The following LRRIQ1 variants were observed in gnomAD, a reference collection of about 807,000 sequenced individuals.
The protein encoded by LRRIQ1 is leucine-rich repeat- and IQ domain-containing protein 1.
In LRRIQ1, 210 loss-of-function variants were observed where a neutral mutation model predicts 211.9. The ratio of observed to expected loss-of-function variants is 0.99; its 90% confidence interval spans 0.89 to 1.11. The LOEUF (loss-of-function observed/expected upper bound fraction) is 1.11, where lower values mean the gene tolerates loss of function less well. LRRIQ1 is among the 50% of genes most tolerant of loss of function. LRRIQ1 has a pLI of 0.00. For synonymous variants in LRRIQ1, 699 were observed against 650.1 expected, an observed-to-expected ratio of 1.08 and a Z score of -1.14; for missense variants, 2,136 against 1,939.5, an observed-to-expected ratio of 1.10 and a Z score of -1.90.
At chr12:85,138,459 T>G (rs914698423) in intron 19 of LRRIQ1, among the ~76,000 whole-genome samples, 1 of 151,604 alleles carries the variant, frequency 6.6e-6, no homozygotes, top group South Asian at 2.1e-4. Flanking sequence ...TGAATTTGTG[T>G]TTGTTACATA....
intron 11 of LRRIQ1, among the ~76,000 whole-genome samples, chr12:85,077,560 G>A (rs1883797062): frequency 6.6e-6 from 1 of 152,146 alleles, no homozygotes; most frequent in Non-Finnish European, 1.5e-5. Flanking sequence ...AATTTTCTTA[G>A]AGGTGTTAAG....
rs1882297069 is a variant in LRRIQ1 at position 85,065,150 on chromosome 12, A to G, written c.2392-112A>G. On this transcript the variant is annotated intron_variant, in intron 8 of 26. Coordinates refer to ENST00000393217, the MANE Select transcript of LRRIQ1 (RefSeq NM_001079910.2). ...TGTTAATAAATGTAGGCTTCAACAT[A>G]TAGTATTACTTTTCTTAAATGAATT... 7.0e-6 allele frequency: 6 copies of G among 854,038 alleles called. No homozygotes were observed. The South Asian group carries it at 9.6e-5, about 14-fold the overall frequency. The allele number at this position is 854,038 out of a possible 1,614,324, so 52.9% of individuals were successfully genotyped here.
At position 85,153,773 on chromosome 12, in the gene LRRIQ1, T is replaced by G. The variant is rs1346740285; in HGVS notation, c.4637+15T>G. On this transcript the variant is annotated intron_variant, in intron 22 of 26. Transcript: ENST00000393217. ...TCAGAAGAATGGTATGTAGTCAATT[T>G]GACACTAATAAATTAAAAAATTGAG... 1.4e-6 allele frequency: 2 copies of G among 1,438,492 alleles called. No individual in the cohort carries two copies. Among genetic ancestry groups the G allele is most frequent in the South Asian group, 2.6e-5 (2 of 76,440 alleles). 89.1% of individuals were successfully genotyped at this position (1,438,492 alleles called of 1,614,324 possible).
chr12:85,068,987 C>G (rs989068119), intron 10 of LRRIQ1, among the ~76,000 whole-genome samples: 3 of 151,034 alleles, frequency 2.0e-5, no homozygotes, highest in African/African-American at 7.3e-5. Context: ...ATGTGCACAA[C>G]GTGCAGGTTT....
At chr12:85,226,333 G>T (rs905803536) in intron 24 of LRRIQ1, among the ~76,000 whole-genome samples, 12 of 152,082 alleles carry the variant, frequency 7.9e-5, no homozygotes, top group African/African-American at 2.9e-4. Flanking sequence ...CTTGGGCTCA[G>T]TTGATCATCA....
downstream of LRRIQ1, among the ~76,000 whole-genome samples, chr12:85,247,065 CAT>C (rs1895745778): frequency 6.6e-6 from 1 of 151,470 alleles, no homozygotes; most frequent in Admixed American, 6.6e-5. Flanking sequence ...ATCACCTAAA[CAT>C]AGTTATATAA....
At position 85,052,213 on chromosome 12, in the gene LRRIQ1, G is replaced by A; in HGVS notation, c.715G>A (p.Glu239Lys). The A allele has an allele frequency of 6.4e-7, 1 of 1,563,534 alleles. No homozygotes were observed. The highest frequency in any genetic ancestry group is 8.7e-7 in the Non-Finnish European group (1 of 1,146,538). Reference sequence around the variant, plus strand: ...CAAGATGAATGATGAACTCTATAAAGAAGAGAAAATTTGGAAAGAGAAATT... The same window carrying A: ...CAAGATGAATGATGAACTCTATAAAAAAGAGAAAATTTGGAAAGAGAAATT... ...QDKMNDELYKEEKIWKEKFKQ... is the reference protein window; with the variant it reads ...QDKMNDELYKKEKIWKEKFKQ... The change falls in exon 7 of 27, where the codon GAA (glutamate) becomes AAA (lysine). Residue 239 changes from glutamate to lysine, a missense_variant. Transcript: ENST00000393217.
intron 5 of LRRIQ1, 144 bp downstream of exon 5, chr12:85,046,281 T>C (rs1249150494): frequency 4.6e-5 from 25 of 540,722 alleles, no homozygotes; most frequent in Non-Finnish European, 7.6e-5. Flanking sequence ...TTTGCTATAC[T>C]TATTAAATTA....
intron 11 of LRRIQ1, among the ~76,000 whole-genome samples, chr12:85,091,456 C>T (rs1051383390): frequency 1.3e-5 from 2 of 151,882 alleles, no homozygotes; most frequent in African/African-American, 4.8e-5. Context: ...TGTCTGTTTA[C>T]TCTGTTGATA....
At position 85,098,506 on chromosome 12, in the gene LRRIQ1, A is replaced by G. The variant is rs1417999080; in HGVS notation, c.3039A>G (p.Gly1013=). The G allele has an allele frequency of 6.2e-7, 1 of 1,610,632 alleles. No individual in the cohort carries two copies. Among genetic ancestry groups the G allele is most frequent in the Non-Finnish European group, 8.5e-7 (1 of 1,178,584 alleles). The part of the protein sequence containing the change: ...LTDVEGVENC[G]LLQILKLQGN... ...ATGTAGAGGGCGTTGAAAATTGTGG[A>G]TTGCTCCAAATATTGAAGTTACAGG... Residue 1013 remains glycine, a synonymous_variant, in exon 12 of 27, where the codon GGA becomes GGG. Coordinates refer to ENST00000393217, the MANE Select transcript of LRRIQ1 (RefSeq NM_001079910.2).
chr12:85,201,531 G>A lies in LRRIQ1; in HGVS notation c.4823-27986G>A, dbSNP rs189125471. On this transcript the variant is annotated intron_variant, in intron 24 of 26. Coordinates refer to ENST00000393217, the MANE Select transcript of LRRIQ1 (RefSeq NM_001079910.2). ...TCAGTCATGGGTGGCTGAATGTGTCGAGGACTTTATCCATTTCCTGTAGGT... is the reference window on the plus strand; with the variant it reads ...TCAGTCATGGGTGGCTGAATGTGTCAAGGACTTTATCCATTTCCTGTAGGT... 2.0e-4 allele frequency among the ~76,000 whole-genome samples: 30 copies of A among 151,992 alleles called. 1 individual carries two copies. Among genetic ancestry groups the A allele is most frequent in the Admixed American group, 1.5e-3 (23 of 15,254 alleles).
At position 85,226,578 on chromosome 12, in the gene LRRIQ1, C is replaced by T. The variant is rs112460545; in HGVS notation, c.4823-2939C>T. ...TAAGTTCTAGGGTACATGTGCACAA[C>T]GTGCAGGTTTGTTACATATGTATAC... On this transcript the variant is annotated intron_variant, in intron 24 of 26. Transcript: ENST00000393217. Among the ~76,000 whole-genome samples, 119 of 145,896 alleles carry T rather than the reference C, an allele frequency of 8.2e-4. 1 individual carries two copies. Among genetic ancestry groups the T allele is most frequent in the African/African-American group, 2.8e-3 (110 of 39,234 alleles).
intron 6 of LRRIQ1, among the ~76,000 whole-genome samples, chr12:85,048,921 G>T (rs1182945798): frequency 6.6e-6 from 1 of 152,142 alleles, no homozygotes; most frequent in Non-Finnish European, 1.5e-5. Flanking sequence ...AAAATTTGCT[G>T]ACTACCTTAA....
chr12:85,216,503 A>T (rs1894093608), intron 24 of LRRIQ1, among the ~76,000 whole-genome samples: 1 of 150,224 alleles, frequency 6.7e-6, no homozygotes, highest in Admixed American at 6.6e-5. Context: ...TTAATATATA[A>T]TGTATATAAT....
chr12:85,164,721 G>A (rs1484829562), intron 24 of LRRIQ1, among the ~76,000 whole-genome samples: 1 of 152,108 alleles, frequency 6.6e-6, no homozygotes, highest in African/African-American at 2.4e-5. Flanking sequence ...ATTGATAGGT[G>A]ACTTGACCAA....
chr12:85,245,159 C>A (rs544963632), downstream of LRRIQ1: 492 of 635,178 alleles, frequency 7.7e-4, 1 homozygote, highest in Non-Finnish European at 1.1e-3. Flanking sequence ...TCCTGCCCCC[C>A]ACACCCTGTG....
chr12:85,144,437 G>A (rs1889752644), intron 19 of LRRIQ1, among the ~76,000 whole-genome samples: 1 of 151,484 alleles, frequency 6.6e-6, no homozygotes, highest in African/African-American at 2.4e-5. Context: ...AAGATATAGA[G>A]CATAGTGTTT....
chr12:85,090,061 G>A (rs902664836), intron 11 of LRRIQ1, among the ~76,000 whole-genome samples: 7 of 152,236 alleles, frequency 4.6e-5, no homozygotes, highest in African/African-American at 1.7e-4. Context: ...TCTAGCTCCA[G>A]CTGTGGCTCA....
intron 3 of LRRIQ1, among the ~76,000 whole-genome samples, chr12:85,043,048 G>T (rs1879088750): frequency 6.6e-6 from 1 of 152,102 alleles, no homozygotes; most frequent in Non-Finnish European, 1.5e-5. Context: ...TATGAATATA[G>T]ATGTATTGAT....
Sources: allele counts gnomAD v4.1 joint callset (sites outside exome capture counted in the v4.1 genomes callset), GRCh38; gene constraint gnomAD v4.1.1; transcripts MANE v1.5; gene names NCBI Gene and HGNC (gene_info 2026-07-23, HGNC 2026-07-21).